NFATC1: variants seen among roughly 807,000 people sequenced by gnomAD.
NFATC1 encodes the protein nuclear factor of activated T cells 1.
In NFATC1, 22 loss-of-function variants were observed where a neutral mutation model predicts 76.0. That is an observed-to-expected ratio of 0.29 (90% CI 0.21 to 0.41). The LOEUF is 0.41. Ranked by LOEUF, NFATC1 falls within the 10% of genes least tolerant of loss-of-function variation. The probability of loss-of-function intolerance (pLI) is 1.00; values close to 1 mark genes in which losing one functional copy is unlikely to be tolerated. For synonymous variants in NFATC1, 704 were observed against 613.1 expected (o/e 1.15, Z -2.19); for missense variants, 1,357 against 1,337.7 (o/e 1.01, Z -0.23).
chr18:79,510,604 G>T (rs371502795), intron 9 of NFATC1, among the ~76,000 whole-genome samples: 1 of 152,198 alleles, frequency 6.6e-6, no homozygotes, highest in Admixed American at 6.5e-5. Flanking sequence ...TGTTTATGTG[G>T]GAAACGCAGT....
chr18:79,428,852 A>G (rs2086486595), intron 2 of NFATC1, among the ~76,000 whole-genome samples: 1 of 152,170 alleles, frequency 6.6e-6, no homozygotes. Context: ...TAAAAAGAGA[A>G]AAAGAAAAGA....
At chr18:79,431,140 G>A (rs139801740) in intron 2 of NFATC1, among the ~76,000 whole-genome samples, 82 of 152,360 alleles carry the variant, frequency 5.4e-4, no homozygotes, top group African/African-American at 1.4e-3. Flanking sequence ...CCCACAGAGC[G>A]GAGGTGGGTG....
At chr18:79,404,944 T>C (rs770995131) in intron 1 of NFATC1, among the ~76,000 whole-genome samples, 4 of 152,248 alleles carry the variant, frequency 2.6e-5, no homozygotes, top group Non-Finnish European at 5.9e-5. Flanking sequence ...TTTTTTGTGG[T>C]TGTTCAGAAA....
chr18:79,411,574 A>C (rs930474982), intron 2 of NFATC1, 73 bp downstream of exon 2: 4 of 1,074,556 alleles, frequency 3.7e-6, no homozygotes, highest in African/African-American at 3.4e-5. Context: ...GGGGAGCGGG[A>C]CGGGGGGCGG....
chr18:79,396,587 G>A (rs1042355321), intron 1 of NFATC1, among the ~76,000 whole-genome samples: 1 of 152,188 alleles, frequency 6.6e-6, no homozygotes, highest in African/African-American at 2.4e-5. Flanking sequence ...CCCCAGCGCT[G>A]AGGGCGCGAG....
chr18:79,469,429 G>A (rs1005858782), intron 8 of NFATC1: 10 of 985,402 alleles, frequency 1.0e-5, no homozygotes, highest in Non-Finnish European at 1.2e-5. Context: ...CTTCACAGGT[G>A]GGAGGTGGCG....
chr18:79,435,375 G>A (rs1476838974), intron 3 of NFATC1, among the ~76,000 whole-genome samples: 1 of 149,700 alleles, frequency 6.7e-6, no homozygotes, highest in East Asian at 1.9e-4. Flanking sequence ...TTTTGAGACG[G>A]AGTCTCGCTC....
intron 3 of NFATC1, among the ~76,000 whole-genome samples, chr18:79,446,376 G>C (rs2087206161): frequency 6.6e-6 from 1 of 152,128 alleles, no homozygotes; most frequent in South Asian, 2.1e-4. Context: ...CCCTGGAGCT[G>C]CCCCGGTGCC....
intron 9 of NFATC1, among the ~76,000 whole-genome samples, chr18:79,506,229 C>A (rs2090118397): frequency 6.6e-6 from 1 of 152,328 alleles, no homozygotes; most frequent in East Asian, 1.9e-4. Context: ...GTTGCCTCCT[C>A]AGCCGCAGTG....
chr18:79,401,967 T>C (rs553565707), intron 1 of NFATC1, among the ~76,000 whole-genome samples: 75 of 152,236 alleles, frequency 4.9e-4, no homozygotes, highest in African/African-American at 1.7e-3. Context: ...TTTGCCTCCT[T>C]GAAGAAGCAC....
At chr18:79,483,326 G>T (rs1313943328) in intron 8 of NFATC1, among the ~76,000 whole-genome samples, 1 of 135,768 alleles carries the variant, frequency 7.4e-6, no homozygotes, top group Admixed American at 7.4e-5. Context: ...GGTTCCTGGG[G>T]TGTCATTCCG....
chr18:79,406,498 G>A (rs2085443329), intron 1 of NFATC1, among the ~76,000 whole-genome samples: 1 of 152,186 alleles, frequency 6.6e-6, no homozygotes, highest in South Asian at 2.1e-4. Flanking sequence ...GTCTCCTGGA[G>A]TTGATGACTG....
At chr18:79,506,305 G>A (rs1009356203) in intron 9 of NFATC1, among the ~76,000 whole-genome samples, 13 of 152,236 alleles carry the variant, frequency 8.5e-5, no homozygotes, top group Non-Finnish European at 1.2e-4. Context: ...CCCTCCCTCC[G>A]TGGACAGATG....
chr18:79,453,898 A>G (rs147804691), intron 6 of NFATC1, among the ~76,000 whole-genome samples: 1 of 152,386 alleles, frequency 6.6e-6, no homozygotes, highest in East Asian at 1.9e-4. Flanking sequence ...CCGGCTTCTC[A>G]GGCGGGAGCC....
intron 1 of NFATC1, among the ~76,000 whole-genome samples, chr18:79,408,217 C>T (rs2085508231): frequency 6.6e-6 from 1 of 152,132 alleles, no homozygotes; most frequent in Non-Finnish European, 1.5e-5. Flanking sequence ...GTTTCTGAAC[C>T]ACGACTTAGC....
intron 7 of NFATC1, among the ~76,000 whole-genome samples, chr18:79,461,805 A>G (rs57513727): frequency 0.14 from 21,290 of 152,202 alleles, 4,754 homozygotes; most frequent in African/African-American, 0.47. Context: ...AGACCCGCTC[A>G]CAGCACCGAG....
intron 8 of NFATC1, among the ~76,000 whole-genome samples, chr18:79,474,695 G>A (rs1456828450): frequency 9.8e-5 from 14 of 143,180 alleles, no homozygotes; most frequent in Non-Finnish European, 1.7e-4. Context: ...ACTCACTGTC[G>A]ACGTTGTGAG....
chr18:79,401,788 G>T (rs2085267137), intron 1 of NFATC1, among the ~76,000 whole-genome samples: 1 of 152,132 alleles, frequency 6.6e-6, no homozygotes, highest in Non-Finnish European at 1.5e-5. Flanking sequence ...GGGTCGGGTG[G>T]GACCTCCCAG....
intron 8 of NFATC1, among the ~76,000 whole-genome samples, chr18:79,477,989 C>T (rs2089141655): frequency 6.6e-6 from 1 of 152,162 alleles, no homozygotes; most frequent in Admixed American, 6.5e-5. Flanking sequence ...GGGGTTAGGG[C>T]TTCAACATGA....
Sources: gnomAD v4.1 joint callset for allele counts (sites outside exome capture counted in the v4.1 genomes callset) on GRCh38, gnomAD v4.1.1 for gene constraint, MANE v1.5 for transcripts, NCBI Gene and HGNC (gene_info 2026-07-23, HGNC 2026-07-21) for gene names.